CAP2: variants seen among roughly 807,000 people sequenced by gnomAD.
CAP2 encodes adenylyl cyclase-associated protein 2.
A neutral mutation model predicts 57.7 loss-of-function variants in CAP2; 24 were observed. The observed-to-expected ratio is 0.42, with a 90% CI of 0.30 to 0.58. CAP2 has a LOEUF of 0.58. CAP2 is among the 20% of genes least tolerant of loss of function. CAP2 has a pLI of 0.22. For missense variants in CAP2, 501 were observed against 590.3 expected, an observed-to-expected ratio of 0.85 and a Z score of 1.57; for synonymous variants, 194 against 207.2, an observed-to-expected ratio of 0.94 and a Z score of 0.55.
intron 4 of CAP2, among the ~76,000 whole-genome samples, chr6:17,470,880 C>T (rs978303460): frequency 3.3e-5 from 5 of 152,252 alleles, no homozygotes; most frequent in East Asian, 1.9e-4. Context: ...TCTAGCTGTC[C>T]AGGGAAAGAC....
chr6:17,471,334 G>A (rs934328612), intron 4 of CAP2, among the ~76,000 whole-genome samples: 1 of 152,158 alleles, frequency 6.6e-6, no homozygotes, highest in Non-Finnish European at 1.5e-5. Context: ...ATGCAATAAA[G>A]TAATTCTGGC....
intron 4 of CAP2, among the ~76,000 whole-genome samples, chr6:17,501,023 A>T (rs1481439772): frequency 6.6e-6 from 1 of 152,172 alleles, no homozygotes; most frequent in African/African-American, 2.4e-5. Context: ...CTTTTTCAAA[A>T]TTTTACTTTA....
intron 4 of CAP2, among the ~76,000 whole-genome samples, chr6:17,469,558 A>G (rs9477444): frequency 0.013 from 2,022 of 152,216 alleles, 46 homozygotes; most frequent in African/African-American, 0.046. Context: ...GTTTTATTCT[A>G]TCTAGGAAGT....
chr6:17,537,157 G>A (rs1375181211), intron 7 of CAP2, among the ~76,000 whole-genome samples: 1 of 152,088 alleles, frequency 6.6e-6, no homozygotes, highest in Non-Finnish European at 1.5e-5. Context: ...AATTATATAA[G>A]TGCTTTGAAA....
rs565326606 is a variant in CAP2, at chr6:17,426,984, T to A, written c.222+294T>A. ...TTTAGTCTGGGAAACAGATGATATA[T>A]ACAAATATATAAATGAATTCAGGTA... On this transcript the variant is annotated intron_variant, in intron 3 of 12. Coordinates refer to ENST00000229922, the MANE Select transcript of CAP2 (RefSeq NM_006366.3). 5.3e-5 allele frequency among the ~76,000 whole-genome samples: 8 copies of A among 152,244 alleles called. No homozygotes were observed. The South Asian group carries it at 1.5e-3, about 28-fold the overall frequency.
At chr6:17,555,471 G>T (rs1445838525) in intron 12 of CAP2, among the ~76,000 whole-genome samples, 1 of 151,864 alleles carries the variant, frequency 6.6e-6, no homozygotes, top group East Asian at 1.9e-4. Flanking sequence ...TAGGATTACA[G>T]GCATGAGCCA....
At chr6:17,477,860 T>C (rs1160901977) in intron 4 of CAP2, among the ~76,000 whole-genome samples, 1 of 151,992 alleles carries the variant, frequency 6.6e-6, no homozygotes, top group Non-Finnish European at 1.5e-5. Flanking sequence ...AACTGTTAGT[T>C]TCTTCTTAAT....
At chr6:17,410,757 CA>C (rs758313698) in intron 1 of CAP2, among the ~76,000 whole-genome samples, 9 of 151,956 alleles carry the variant, frequency 5.9e-5, no homozygotes, top group Non-Finnish European at 1.0e-4. Context: ...GATGGGGTTT[CA>C]CTGTGTTAGC....
At chr6:17,530,846 TAC>T in intron 7 of CAP2, 1 of 803,026 alleles carries the variant, frequency 1.2e-6, no homozygotes, top group Non-Finnish European at 2.0e-6. Flanking sequence ...TGAGAGCAGG[TAC>T]TGTTTATTAA....
At position 17,507,703 on chromosome 6, in the gene CAP2, G is replaced by T; in HGVS notation, c.507G>T (p.Arg169Ser). The T allele has an allele frequency of 6.2e-7, 1 of 1,604,512 alleles. No homozygotes were observed. The highest frequency in any genetic ancestry group is 1.1e-5 in the South Asian group (1 of 90,826). Residue 169 changes from arginine to serine, a missense_variant, in exon 6 of 13, where the codon AGG becomes AGT. By Grantham distance (110) the Arg-to-Ser change is moderately radical. Transcript: ENST00000229922. ...MNDAATFYTN[R>S]VLKDYKHSDL... Reference sequence around the variant, plus strand: ...ACGCTGCCACCTTTTACACTAACAGGGTCTTAAAGGACTACAAACACAGGT... The same window carrying T: ...ACGCTGCCACCTTTTACACTAACAGTGTCTTAAAGGACTACAAACACAGGT...
intron 4 of CAP2, among the ~76,000 whole-genome samples, chr6:17,501,019 CA>C (rs528447869): frequency 6.8e-4 from 103 of 152,182 alleles, no homozygotes; most frequent in Non-Finnish European, 1.3e-3. Flanking sequence ...AAACCTTTTT[CA>C]AAATTTTACT....
intron 3 of CAP2, among the ~76,000 whole-genome samples, chr6:17,434,862 T>G (rs1412002073): frequency 6.6e-6 from 1 of 150,772 alleles, no homozygotes; most frequent in Non-Finnish European, 1.5e-5. Flanking sequence ...CATCAAAAAG[T>G]GGGCGAAGGA....
At chr6:17,474,622 G>A (rs1211604355) in intron 4 of CAP2, among the ~76,000 whole-genome samples, 2 of 152,092 alleles carry the variant, frequency 1.3e-5, no homozygotes, top group Non-Finnish European at 2.9e-5. Flanking sequence ...AAATAAGGTC[G>A]GGATGATGTT....
chr6:17,411,448 C>G (rs1375697154), intron 1 of CAP2, among the ~76,000 whole-genome samples: 1 of 152,194 alleles, frequency 6.6e-6, no homozygotes, highest in African/African-American at 2.4e-5. Context: ...TTCTCACCAG[C>G]ACTTTTTATT....
intron 4 of CAP2, among the ~76,000 whole-genome samples, chr6:17,479,828 G>C (rs1314191689): frequency 1.3e-5 from 2 of 151,828 alleles, no homozygotes. Context: ...TGTTAGCCAG[G>C]ATGATCTCGA....
At chr6:17,438,719 G>A (rs1463136013) in intron 3 of CAP2, among the ~76,000 whole-genome samples, 4 of 148,888 alleles carry the variant, frequency 2.7e-5, no homozygotes, top group African/African-American at 1.0e-4. Flanking sequence ...GATTATAGGT[G>A]TGAGCCACCG....
chr6:17,414,928 C>T (rs888832722), intron 1 of CAP2, among the ~76,000 whole-genome samples: 4 of 152,192 alleles, frequency 2.6e-5, no homozygotes, highest in Non-Finnish European at 5.9e-5. Flanking sequence ...TGTTTCCTGA[C>T]TTTTTAATAA....
intron 4 of CAP2, among the ~76,000 whole-genome samples, chr6:17,488,572 C>T (rs1456926868): frequency 6.6e-6 from 1 of 152,190 alleles, no homozygotes; most frequent in Non-Finnish European, 1.5e-5. Flanking sequence ...AAAAAACACA[C>T]TCATATCACA....
At chr6:17,537,093 A>G (rs1346222758) in intron 7 of CAP2, among the ~76,000 whole-genome samples, 1 of 152,220 alleles carries the variant, frequency 6.6e-6, no homozygotes, top group East Asian at 1.9e-4. Flanking sequence ...TAAAACATGC[A>G]TTCTGAATAA....
Sources: gnomAD v4.1 joint callset for allele counts (sites outside exome capture counted in the v4.1 genomes callset) on GRCh38, gnomAD v4.1.1 for gene constraint, MANE v1.5 for transcripts, NCBI Gene and HGNC (gene_info 2026-07-23, HGNC 2026-07-21) for gene names.